SCNN1D: variants seen among roughly 807,000 people sequenced by gnomAD.
SCNN1D encodes the protein sodium channel epithelial 1 subunit delta, also known as epithelial sodium channel subunit delta.
A neutral mutation model predicts 87.8 loss-of-function variants in SCNN1D; 104 were observed. The observed-to-expected ratio is 1.18, with a 90% CI of 1.01 to 1.39. SCNN1D has a LOEUF of 1.39. SCNN1D is among the 40% of genes most tolerant of loss of function. SCNN1D has a pLI of 0.00. For missense variants in SCNN1D, 1,324 were observed against 1,093.9 expected (o/e 1.21, Z -2.97); for synonymous variants, 628 against 481.2 (o/e 1.31, Z -3.99).
intron 7 of SCNN1D, 113 bp from the exon 8 acceptor site, chr1:1,286,655 A>T: frequency 9.6e-7 from 1 of 1,042,692 alleles, no homozygotes; most frequent in Non-Finnish European, 1.4e-6. Context: ...AGCTCACCCC[A>T]CTGGGCGTCC....
chr1:1,288,233 T>TCCGTCCCGTGTCTCTGCC (rs1640659457), intron 12 of SCNN1D, among the ~76,000 whole-genome samples, 196 bp downstream of exon 12: 5 of 126,028 alleles, frequency 4.0e-5, no homozygotes, highest in African/African-American at 1.6e-4. Flanking sequence ...GTGTCTCTGC[T>TCCGTCCCGTGTCTCTGCC]CCGTCCCGTG....
Position 1,291,314 on chromosome 1 carries a change from C to T in SCNN1D, c.2113C>T (p.Leu705Phe). Reference protein sequence around the residue: ...LCSLWFGASVLSLLELLELLL... With the variant: ...LCSLWFGASVFSLLELLELLL... ...CAGCCTGTGGTTTGGGGCCTCCGTCCTCTCCCTCCTGGAGCTCCTGGAGCT... is the reference window on the plus strand; with the variant it reads ...CAGCCTGTGGTTTGGGGCCTCCGTCTTCTCCCTCCTGGAGCTCCTGGAGCT... Residue 705 changes from leucine (L) to phenylalanine (F), a missense_variant, in exon 18 of 18, where the codon CTC becomes TTC. Leu to Phe is a conservative substitution (Grantham distance 22). Coordinates refer to ENST00000379116, the MANE Select transcript of SCNN1D (RefSeq NM_001130413.4). The T allele has an allele frequency of 1.3e-6, 2 of 1,592,604 alleles. No homozygotes were observed. Among genetic ancestry groups the T allele is most frequent in the South Asian group, 1.1e-5 (1 of 88,072 alleles).
At position 1,285,551 on chromosome 1, in the gene SCNN1D, C is replaced by G; in HGVS notation, c.465-20C>G. The G allele has an allele frequency of 6.7e-7, 1 of 1,486,646 alleles. No homozygotes were observed. The allele number at this position is 1,486,646 out of a possible 1,614,324, so 92.1% of individuals were successfully genotyped here. On this transcript the variant is annotated intron_variant, in intron 5 of 17. Coordinates refer to ENST00000379116, the MANE Select transcript of SCNN1D (RefSeq NM_001130413.4). Reference sequence around the variant, plus strand: ...CCACGCGGGGCGCATGGACACGCTACCGTACTTGCCTTTGGGTAGATCGCC... The same window carrying G: ...CCACGCGGGGCGCATGGACACGCTAGCGTACTTGCCTTTGGGTAGATCGCC...
In SCNN1D at chr1:1,287,982, C is replaced by G. The variant is rs760616725; in HGVS notation, c.1607C>G (p.Ala536Gly). The change falls in exon 12 of 18, where the codon GCC becomes GGC. Residue 536 changes from alanine to glycine, a missense_variant. Coordinates refer to ENST00000379116, the MANE Select transcript of SCNN1D (RefSeq NM_001130413.4). The stretch of plus-strand genomic sequence containing the variant: ...GGGAGCCCCTACGGCCACTGCACCG[C>G]CGGCGGGGAAGGCGTGGAGGTGGAG... ...RLGSPYGHCT[A>G]GGEGVEVELL... 2.6e-6 allele frequency: 4 copies of G among 1,546,894 alleles called. No homozygotes were observed. The South Asian group carries it at 4.8e-5, about 18-fold the overall frequency.
At chr1:1,281,669 G>A (rs900302161) in intron 3 of SCNN1D, 59 bp downstream of exon 3, 44 of 1,450,066 alleles carry the variant, frequency 3.0e-5, no homozygotes, top group Admixed American at 6.1e-5. Flanking sequence ...GGGTGGAGCC[G>A]GGAGCTGCGT....
intron 16 of SCNN1D, 31 bp from the exon 17 acceptor site, chr1:1,291,034 C>T: frequency 6.2e-7 from 1 of 1,605,454 alleles, no homozygotes; most frequent in Non-Finnish European, 8.5e-7. Flanking sequence ...AAGGTCTGGG[C>T]CAGCGCCCTC....
chr1:1,284,979 G>A (rs918134104), intron 5 of SCNN1D, among the ~76,000 whole-genome samples: 33 of 152,222 alleles, frequency 2.2e-4, no homozygotes, highest in African/African-American at 7.7e-4. Context: ...TATGCGCCAG[G>A]TGGAGACGAG....
At position 1,287,267 on chromosome 1, in the gene SCNN1D, C is replaced by G; in HGVS notation, c.1278C>G (p.Ser426=). ...GCCAGGACGGCCACTTCGTCCTCTC[C>G]TGCAGTTACGATGGCCTGGACTGCC... ...HGSQDGHFVL[S]CSYDGLDCQA... is the part of the protein sequence containing the mutation. The change falls in exon 9 of 18, where the codon TCC becomes TCG. Residue 426 remains serine, a synonymous_variant. Coordinates refer to ENST00000379116, the MANE Select transcript of SCNN1D (RefSeq NM_001130413.4). The G allele has an allele frequency of 6.2e-7, 1 of 1,605,950 alleles. No individual in the cohort carries two copies. Among genetic ancestry groups the G allele is most frequent in the Non-Finnish European group, 8.5e-7 (1 of 1,175,798 alleles).
At chr1:1,286,625 C>G in intron 7 of SCNN1D, 143 bp from the exon 8 acceptor site, 1 of 805,578 alleles carries the variant, frequency 1.2e-6, no homozygotes, top group Non-Finnish European at 1.9e-6. Context: ...GCCACGGCCT[C>G]CAACTCCAGC....
Position 1,286,044 on chromosome 1 carries a change from T to C in SCNN1D, c.677T>C (p.Phe226Ser), listed in dbSNP as rs369663145. The C allele has an allele frequency of 1.6e-5, 26 of 1,582,074 alleles. No homozygotes were observed. The highest frequency in any genetic ancestry group is 1.2e-4 in the East Asian group (5 of 43,306). ...LPASFRELLT[F>S]FCTNATIHGA... ...GCCTCGTTCCGGGAGCTGCTCACCT[T>C]CTTCTGCACCAATGCCACCATCCAC... The change falls in exon 7 of 18, where the codon TTC becomes TCC. Residue 226 changes from phenylalanine to serine, a missense_variant. Phe to Ser is a radical substitution (Grantham distance 155). Coordinates refer to ENST00000379116, the MANE Select transcript of SCNN1D (RefSeq NM_001130413.4).
chr1:1,281,688 C>A, intron 3 of SCNN1D, 78 bp downstream of exon 3: 1 of 1,324,316 alleles, frequency 7.6e-7, no homozygotes, highest in South Asian at 1.4e-5. Flanking sequence ...GTGATCCAGC[C>A]GAGATGTGCT....
intron 12 of SCNN1D, among the ~76,000 whole-genome samples, chr1:1,288,555 GTC>G (rs1376208123): frequency 1.8e-5 from 1 of 55,674 alleles, no homozygotes; most frequent in Admixed American, 2.1e-4. Context: ...CGTCCCCCGT[GTC>G]TCTGCTCCGT....
Position 1,290,339 on chromosome 1 carries a change from T to A in SCNN1D, c.1731T>A (p.Pro577=), listed in dbSNP as rs778097672. ...ETCSCGYYLH[P]LPAGAEYCSS... ...GCTCCTGTGGCTACTACCTCCACCCTCTGCCGGCGGGGGCTGAGTACTGCA... is the reference window on the plus strand; with the variant it reads ...GCTCCTGTGGCTACTACCTCCACCCACTGCCGGCGGGGGCTGAGTACTGCA... The change falls in exon 13 of 18, where the codon CCT becomes CCA. Residue 577 remains proline, a synonymous_variant. Transcript: ENST00000379116. The A allele has an allele frequency of 6.3e-7, 1 of 1,596,434 alleles. No homozygotes were observed. The highest frequency in any genetic ancestry group is 1.7e-5 in the Admixed American group (1 of 59,198).
chr1:1,291,609 G>A lies in SCNN1D; in HGVS notation c.2408G>A (p.Ter803=), dbSNP rs777295036. Residue 803 remains the stop codon, a stop_retained_variant, in exon 18 of 18, where the codon TGA becomes TAA. Coordinates refer to ENST00000379116, the MANE Select transcript of SCNN1D (RefSeq NM_001130413.4). The stretch of plus-strand genomic sequence containing the variant: ...CAGCCCCTTGAGACTCTGGACACCT[G>A]AACCAGACCTGCCAGGGCTGTGCGA... ...GPQPLETLDT[*] 1.3e-6 allele frequency: 2 copies of A among 1,523,780 alleles called. No homozygotes were observed. The highest frequency in any genetic ancestry group is 1.8e-6 in the Non-Finnish European group (2 of 1,133,376). The allele number at this position is 1,523,780 out of a possible 1,614,324, so 94.4% of individuals were successfully genotyped here. A position where few individuals can be genotyped will look rare whatever the true frequency, so the allele number is the denominator to read the frequency against.
intron 5 of SCNN1D, among the ~76,000 whole-genome samples, chr1:1,284,468 T>C (rs1041608010): frequency 1.3e-5 from 2 of 151,600 alleles, no homozygotes; most frequent in Non-Finnish European, 2.9e-5. Context: ...TGCCTCCTTA[T>C]CCTGAAGAAG....
At chr1:1,288,215 T>TCCGTCCCCCGTGTCTCTGCC (rs1640656014) in intron 12 of SCNN1D, among the ~76,000 whole-genome samples, 178 bp downstream of exon 12, 1 of 127,004 alleles carries the variant, frequency 7.9e-6, no homozygotes, top group African/African-American at 3.1e-5. Flanking sequence ...GTGTCTCTGC[T>TCCGTCCCCCGTGTCTCTGCC]CCGTCCCGTG....
In SCNN1D at chr1:1,291,985, G is replaced by A. The variant is rs950002108; in HGVS notation, c.*375G>A. ...AGGCAGAAGGCAAGGCAGGCCCCAC[G>A]GACACACTTGGGCTGCTCTGAAATA... On this transcript the variant is annotated 3_prime_UTR_variant, in exon 18 of 18. Coordinates refer to ENST00000379116, the MANE Select transcript of SCNN1D (RefSeq NM_001130413.4). The A allele has an allele frequency of 4.9e-5, 9 of 183,466 alleles. No individual in the cohort carries two copies. Among genetic ancestry groups the A allele is most frequent in the Middle Eastern group, 6.5e-4 (1 of 1,528 alleles). 11.4% of individuals were successfully genotyped at this position (183,466 alleles called of 1,614,324 possible). A position where few individuals can be genotyped will look rare whatever the true frequency, so the allele number is the denominator to read the frequency against.
intron 4 of SCNN1D, among the ~76,000 whole-genome samples, chr1:1,283,412 T>C (rs1640509514): frequency 6.6e-6 from 1 of 152,050 alleles, no homozygotes; most frequent in African/African-American, 2.4e-5. Context: ...AAGATGGGGC[T>C]TCTGGGCCGG....
rs1640640713 is a variant in SCNN1D at position 1,287,965 on chromosome 1, C to T, written c.1590C>T (p.Pro530=). The change falls in exon 12 of 18, where the codon CCC becomes CCT. Residue 530 remains proline, a synonymous_variant. Coordinates refer to ENST00000379116, the MANE Select transcript of SCNN1D (RefSeq NM_001130413.4). The part of the protein sequence containing the change: ...REDEVHRLGS[P]YGHCTAGGEG... ...ACGAGGTGCACCGGCTCGGGAGCCC[C>T]TACGGCCACTGCACCGCCGGCGGGG... The T allele has an allele frequency of 1.9e-6, 3 of 1,547,016 alleles. No individual in the cohort carries two copies. Among genetic ancestry groups the T allele is most frequent in the Non-Finnish European group, 2.6e-6 (3 of 1,145,114 alleles).
Sources: gnomAD v4.1 joint callset for allele counts (sites outside exome capture counted in the v4.1 genomes callset) on GRCh38, gnomAD v4.1.1 for gene constraint, MANE v1.5 for transcripts, NCBI Gene and HGNC (gene_info 2026-07-23, HGNC 2026-07-21) for gene names.